Variants in NRG3 observed in about 807,000 individuals in gnomAD.
The protein encoded by NRG3 is neuregulin 3.
A neutral mutation model predicts 66.9 loss-of-function variants in NRG3; 31 were observed. That is an observed-to-expected ratio of 0.46 (90% CI 0.35 to 0.63). NRG3 has a LOEUF of 0.63. NRG3 is among the 20% of genes least tolerant of loss of function. The probability of loss-of-function intolerance (pLI) is 0.00; values close to 1 mark genes in which losing one functional copy is unlikely to be tolerated. For missense variants in NRG3, 910 were observed against 878.9 expected, an observed-to-expected ratio of 1.04 and a Z score of -0.45; for synonymous variants, 393 against 359.4, an observed-to-expected ratio of 1.09 and a Z score of -1.06.
intron 1 of NRG3, among the ~76,000 whole-genome samples, chr10:81,915,798 A>G (rs559642036): frequency 5.9e-5 from 9 of 152,042 alleles, no homozygotes; most frequent in Non-Finnish European, 1.0e-4. Context: ...AATTAGCATG[A>G]TAATGGTGAT....
At chr10:82,190,628 C>T (rs958604610) in intron 1 of NRG3, among the ~76,000 whole-genome samples, 27 of 152,136 alleles carry the variant, frequency 1.8e-4, no homozygotes, top group Admixed American at 1.6e-3. Flanking sequence ...ACAAGCTTTC[C>T]CACTGGCTCT....
chr10:82,041,950 T>G (rs1003935231), intron 1 of NRG3, among the ~76,000 whole-genome samples: 5 of 152,000 alleles, frequency 3.3e-5, no homozygotes, highest in African/African-American at 1.2e-4. Flanking sequence ...AACACAAAAC[T>G]ACCCCAGATG....
At chr10:82,837,722 C>T (rs1055208494) in intron 3 of NRG3, among the ~76,000 whole-genome samples, 4 of 151,982 alleles carry the variant, frequency 2.6e-5, no homozygotes, top group Middle Eastern at 3.2e-3. Context: ...TGCAAATGCC[C>T]GTTAGATTAA....
At chr10:81,974,032 T>C (rs2207765) in intron 1 of NRG3, among the ~76,000 whole-genome samples, 69,595 of 152,086 alleles carry the variant, frequency 0.46, 20,150 homozygotes, top group African/African-American at 0.78. Context: ...AGAGTTTGTA[T>C]AGTTTTGGGT....
chr10:82,785,420 G>A (rs1054760740), intron 3 of NRG3, among the ~76,000 whole-genome samples: 1 of 151,834 alleles, frequency 6.6e-6, no homozygotes, highest in African/African-American at 2.4e-5. Flanking sequence ...AAGAACTGTA[G>A]CGAGAGCCTA....
At chr10:82,401,775 T>G (rs1251048693) in intron 2 of NRG3, among the ~76,000 whole-genome samples, 2 of 152,152 alleles carry the variant, frequency 1.3e-5, no homozygotes, top group African/African-American at 4.8e-5. Flanking sequence ...GCTTTTGATA[T>G]TTGCCTTTAG....
At chr10:82,146,394 G>C (rs1179592826) in intron 1 of NRG3, among the ~76,000 whole-genome samples, 1 of 152,082 alleles carries the variant, frequency 6.6e-6, no homozygotes, top group Non-Finnish European at 1.5e-5. Flanking sequence ...CCTGAATTCT[G>C]ATTTATCGTC....
chr10:81,982,729 C>T (rs562048116), intron 1 of NRG3, among the ~76,000 whole-genome samples: 31 of 152,172 alleles, frequency 2.0e-4, no homozygotes, highest in Admixed American at 1.4e-3. Context: ...ACAAGAACAC[C>T]GGTAAGTTTG....
chr10:82,398,006 C>T (rs2086824861), intron 2 of NRG3, among the ~76,000 whole-genome samples: 1 of 152,102 alleles, frequency 6.6e-6, no homozygotes, highest in African/African-American at 2.4e-5. Flanking sequence ...GGAGAGTAGC[C>T]CAGTTCTGAC....
intron 4 of NRG3, among the ~76,000 whole-genome samples, chr10:82,914,749 C>CTT (rs200748869): frequency 2.1e-4 from 30 of 143,866 alleles, no homozygotes; most frequent in East Asian, 1.4e-3. Context: ...TGATTTTTAG[C>CTT]TTTTTTTTTT....
intron 3 of NRG3, among the ~76,000 whole-genome samples, chr10:82,839,229 A>T (rs187978617): frequency 1.3e-5 from 2 of 152,262 alleles, no homozygotes; most frequent in East Asian, 1.9e-4. Flanking sequence ...ATATGCATCT[A>T]AAAAATTACC....
At position 82,347,819 on chromosome 10, in the gene NRG3, T is replaced by A. The variant is rs563843281; in HGVS notation, c.824-10920T>A. On this transcript the variant is annotated intron_variant, in intron 1 of 8. Transcript: ENST00000372141. ...TTGAATTGATCCCTTTACCATTATGTAATGGCCTTCTTTGTCTCTTTTGAT... is the reference window on the plus strand; with the variant it reads ...TTGAATTGATCCCTTTACCATTATGAAATGGCCTTCTTTGTCTCTTTTGAT... 2.4e-4 allele frequency among the ~76,000 whole-genome samples: 37 copies of A among 152,190 alleles called. No homozygotes were observed. In the South Asian group the frequency reaches 5.6e-3, roughly 23 times the overall value.
At chr10:82,912,954 G>A (rs563048017) in intron 4 of NRG3, among the ~76,000 whole-genome samples, 12 of 152,236 alleles carry the variant, frequency 7.9e-5, no homozygotes, top group East Asian at 1.9e-4. Context: ...GGCCGGGTGC[G>A]GTGGCTCACA....
intron 2 of NRG3, among the ~76,000 whole-genome samples, chr10:82,624,085 G>T (rs1194307347): frequency 1.3e-5 from 2 of 152,050 alleles, no homozygotes; most frequent in African/African-American, 2.4e-5. Flanking sequence ...ATACCTCTGG[G>T]TTTAATTTTG....
At chr10:82,695,679 G>A (rs1353853803) in intron 2 of NRG3, among the ~76,000 whole-genome samples, 2 of 151,798 alleles carry the variant, frequency 1.3e-5, no homozygotes, top group African/African-American at 2.4e-5. Flanking sequence ...AATTTATAGC[G>A]AGGAAAATAA....
intron 4 of NRG3, among the ~76,000 whole-genome samples, chr10:82,941,101 A>G (rs1439014560): frequency 6.6e-6 from 1 of 152,092 alleles, no homozygotes; most frequent in African/African-American, 2.4e-5. Flanking sequence ...GCTTCTCTGC[A>G]CTTGGATGGT....
At chr10:82,249,438 C>G (rs1021860033) in intron 1 of NRG3, among the ~76,000 whole-genome samples, 1 of 152,184 alleles carries the variant, frequency 6.6e-6, no homozygotes, top group Non-Finnish European at 1.5e-5. Context: ...TCCCACCCCC[C>G]ACCATCTTTT....
intron 2 of NRG3, among the ~76,000 whole-genome samples, chr10:82,735,006 C>CAA (rs11404285): frequency 0.032 from 4,138 of 128,390 alleles, 235 homozygotes; most frequent in African/African-American, 0.11. Flanking sequence ...GACTCTGCCT[C>CAA]AAAAAAAAAA....
At chr10:82,582,910 T>G (rs944721729) in intron 2 of NRG3, among the ~76,000 whole-genome samples, 1 of 152,186 alleles carries the variant, frequency 6.6e-6, no homozygotes, top group Non-Finnish European at 1.5e-5. Context: ...AATTCAAATA[T>G]TTGAGCATAC....
Sources: allele counts gnomAD v4.1 joint callset (sites outside exome capture counted in the v4.1 genomes callset), GRCh38; gene constraint gnomAD v4.1.1; transcripts MANE v1.5; gene names NCBI Gene and HGNC (gene_info 2026-07-23, HGNC 2026-07-21).